Variants in ST8SIA6 observed in about 807,000 individuals in gnomAD.
ST8SIA6 encodes ST8 alpha-N-acetyl-neuraminide alpha-2,8-sialyltransferase 6.
A neutral mutation model predicts 33.6 loss-of-function variants in ST8SIA6; 39 were observed. The observed-to-expected ratio is 1.16, with a 90% CI of 0.90 to 1.52. The LOEUF is 1.52. Ranked by LOEUF, ST8SIA6 falls within the 40% of genes most tolerant of loss-of-function variation. The probability of loss-of-function intolerance (pLI) is 0.00; values close to 1 mark genes in which losing one functional copy is unlikely to be tolerated. For synonymous variants in ST8SIA6, 172 were observed against 167.2 expected (o/e 1.03, Z -0.22); for missense variants, 441 against 443.8 (o/e 0.99, Z 0.06).
In ST8SIA6 at chr10:17,317,766, C is replaced by T. The variant is rs1415382024; in HGVS notation, c.*3112G>A. Among the ~76,000 whole-genome samples, 1 of 152,166 alleles carries T rather than the reference C, an allele frequency of 6.6e-6. No individual in the cohort carries two copies. The highest frequency in any genetic ancestry group is 2.4e-5 in the African/African-American group (1 of 41,452). Reference sequence around the variant, plus strand: ...CACAGGTCTGATTTGCTGCTTAATTCTGTATTCTACAGAGAGTCCTCAAAA... The same window carrying T: ...CACAGGTCTGATTTGCTGCTTAATTTTGTATTCTACAGAGAGTCCTCAAAA... On this transcript the variant is annotated 3_prime_UTR_variant, in exon 8 of 8. Transcript: ENST00000377602.
chr10:17,333,715 A>ATTTTT (rs1564405142), intron 4 of ST8SIA6, among the ~76,000 whole-genome samples: 13 of 35,404 alleles, frequency 3.7e-4, no homozygotes, highest in African/African-American at 1.5e-3. Flanking sequence ...ATATATATAT[A>ATTTTT]TATTTTTTTT....
intron 4 of ST8SIA6, among the ~76,000 whole-genome samples, chr10:17,352,076 A>C (rs1319357703): frequency 6.6e-6 from 1 of 152,166 alleles, no homozygotes; most frequent in African/African-American, 2.4e-5. Context: ...ATATGAGCTG[A>C]TGGATATGTT....
intron 2 of ST8SIA6, among the ~76,000 whole-genome samples, chr10:17,409,107 T>C (rs1851365112): frequency 6.6e-6 from 1 of 152,140 alleles, no homozygotes; most frequent in Admixed American, 6.5e-5. Context: ...AATGGGAAAA[T>C]ACCTTATCTG....
intron 2 of ST8SIA6, among the ~76,000 whole-genome samples, chr10:17,420,744 C>G (rs1378158406): frequency 6.6e-6 from 1 of 152,146 alleles, no homozygotes; most frequent in Non-Finnish European, 1.5e-5. Context: ...CAAGGTGACA[C>G]CTTGTATTGG....
At chr10:17,452,095 G>A (rs1852933889) in intron 2 of ST8SIA6, among the ~76,000 whole-genome samples, 2 of 152,148 alleles carry the variant, frequency 1.3e-5, no homozygotes, top group Admixed American at 1.3e-4. Flanking sequence ...GGGAAAAGAT[G>A]GAATGCTTCT....
At chr10:17,326,666 T>TTG (rs1848138409) in intron 6 of ST8SIA6, among the ~76,000 whole-genome samples, 1 of 152,138 alleles carries the variant, frequency 6.6e-6, no homozygotes, top group African/African-American at 2.4e-5. Context: ...AAAAAAGATC[T>TTG]TCAAGGTCAG....
At position 17,429,895 on chromosome 10, in the gene ST8SIA6, G is replaced by T. The variant is rs539679800; in HGVS notation, c.200+23664C>A. On this transcript the variant is annotated intron_variant, in intron 2 of 7. Coordinates refer to ENST00000377602, the MANE Select transcript of ST8SIA6 (RefSeq NM_001004470.3). ...TCTCTTCCAAATATTTATATTCTTT[G>T]TTAAAATTTTTTTATTTCAATAGTT... Among the ~76,000 whole-genome samples, 15 of 152,106 alleles carry T rather than the reference G, an allele frequency of 9.9e-5. No individual in the cohort carries two copies. The South Asian group carries it at 2.1e-3, about 21-fold the overall frequency.
chr10:17,356,760 AT>A (rs113747234), intron 4 of ST8SIA6, among the ~76,000 whole-genome samples: 25,321 of 150,398 alleles, frequency 0.17, 2,230 homozygotes, highest in African/African-American at 0.22. Context: ...TTACTGATGC[AT>A]TTTTTTTTAA....
rs922009779 is a variant in ST8SIA6 at position 17,453,427 on chromosome 10, A to C, written c.200+132T>G. 2.0e-5 allele frequency: 12 copies of C among 614,914 alleles called. No individual in the cohort carries two copies. In the Admixed American group the frequency reaches 2.2e-4, roughly 11 times the overall value. 38.1% of individuals were successfully genotyped at this position (614,914 alleles called of 1,614,324 possible). On this transcript the variant is annotated intron_variant, in intron 2 of 7. Transcript: ENST00000377602. Reference sequence around the variant, plus strand: ...CCAACCCCGCGCCCTCTTCAAACACACGCACACTCTTACACTCACTCGCGC... The same window carrying C: ...CCAACCCCGCGCCCTCTTCAAACACCCGCACACTCTTACACTCACTCGCGC...
chr10:17,371,771 G>A (rs1294832753), intron 3 of ST8SIA6, among the ~76,000 whole-genome samples: 3 of 112,012 alleles, frequency 2.7e-5, no homozygotes, highest in African/African-American at 9.9e-5. Flanking sequence ...GGGTGACAGA[G>A]CAAGACTCCA....
chr10:17,328,758 T>C lies in ST8SIA6; in HGVS notation c.523-1632A>G, dbSNP rs557459332. Among the ~76,000 whole-genome samples, 29 of 152,318 alleles carry C rather than the reference T, an allele frequency of 1.9e-4. No individual in the cohort carries two copies. The South Asian group carries it at 5.2e-3, about 27-fold the overall frequency. ...TAGGTGGCTCTGTGAATAAATCTTATTTCTTTTGCAAAACCGGTATCACGG... is the reference window on the plus strand; with the variant it reads ...TAGGTGGCTCTGTGAATAAATCTTACTTCTTTTGCAAAACCGGTATCACGG... On this transcript the variant is annotated intron_variant, in intron 5 of 7. Coordinates refer to ENST00000377602, the MANE Select transcript of ST8SIA6 (RefSeq NM_001004470.3).
At chr10:17,339,045 G>T (rs1207939185) in intron 4 of ST8SIA6, among the ~76,000 whole-genome samples, 1 of 152,162 alleles carries the variant, frequency 6.6e-6, no homozygotes, top group Non-Finnish European at 1.5e-5. Flanking sequence ...TTTGCATCCA[G>T]ATGTCAAATC....
chr10:17,338,625 TAAA>T (rs1464329729), intron 4 of ST8SIA6, among the ~76,000 whole-genome samples: 2 of 152,222 alleles, frequency 1.3e-5, no homozygotes, highest in Non-Finnish European at 2.9e-5. Context: ...AATGTACATA[TAAA>T]TGCTTCAAAG....
At chr10:17,352,279 G>A (rs978168385) in intron 4 of ST8SIA6, among the ~76,000 whole-genome samples, 7 of 152,074 alleles carry the variant, frequency 4.6e-5, no homozygotes, top group Admixed American at 6.6e-5. Context: ...CAGCTAATGC[G>A]TACATTGATA....
chr10:17,379,565 AT>A (rs1461127658), intron 3 of ST8SIA6, among the ~76,000 whole-genome samples: 1 of 152,204 alleles, frequency 6.6e-6, no homozygotes, highest in African/African-American at 2.4e-5. Context: ...GATTGCCTCC[AT>A]TGGAAAGACT....
chr10:17,421,183 T>C (rs1220305325), intron 2 of ST8SIA6, among the ~76,000 whole-genome samples: 2 of 152,166 alleles, frequency 1.3e-5, no homozygotes, highest in African/African-American at 2.4e-5. Flanking sequence ...GCCTAGCCCC[T>C]TACCTGGGGT....
At chr10:17,418,440 T>C (rs1259765195) in intron 2 of ST8SIA6, among the ~76,000 whole-genome samples, 1 of 152,220 alleles carries the variant, frequency 6.6e-6, no homozygotes, top group Non-Finnish European at 1.5e-5. Flanking sequence ...AATACCAGCC[T>C]GGGCTGAATG....
At chr10:17,435,556 A>G (rs1025681190) in intron 2 of ST8SIA6, among the ~76,000 whole-genome samples, 1 of 152,176 alleles carries the variant, frequency 6.6e-6, no homozygotes, top group East Asian at 1.9e-4. Context: ...GAAACCTGGC[A>G]CTTAGGAACA....
intron 4 of ST8SIA6, among the ~76,000 whole-genome samples, chr10:17,332,662 G>A (rs1848337862): frequency 6.6e-6 from 1 of 152,014 alleles, no homozygotes; most frequent in Non-Finnish European, 1.5e-5. Flanking sequence ...GTTTCACCAT[G>A]TTGGCCAGGC....
Sources: gnomAD v4.1 joint callset for allele counts (sites outside exome capture counted in the v4.1 genomes callset) on GRCh38, gnomAD v4.1.1 for gene constraint, MANE v1.5 for transcripts, NCBI Gene and HGNC (gene_info 2026-07-23, HGNC 2026-07-21) for gene names.